Variants in SCN8A observed in about 807,000 individuals in gnomAD.
SCN8A encodes the protein sodium channel protein type 8 subunit alpha.
SCN8A carries 30 observed loss-of-function variants against 184.1 expected under a neutral mutation model. The observed-to-expected ratio is 0.16, with a 90% CI of 0.12 to 0.22. The LOEUF is 0.22. Ranked by LOEUF, SCN8A falls within the 10% of genes least tolerant of loss-of-function variation. The probability of loss-of-function intolerance (pLI) is 1.00; values close to 1 mark genes in which losing one functional copy is unlikely to be tolerated. For synonymous variants in SCN8A, 852 were observed against 907.0 expected, an observed-to-expected ratio of 0.94 and a Z score of 1.09; for missense variants, 1,057 against 2,498.9, an observed-to-expected ratio of 0.42 and a Z score of 12.30.
chr12:51,797,571 A>G (rs575786999), intron 26 of SCN8A, among the ~76,000 whole-genome samples: 15 of 152,280 alleles, frequency 9.9e-5, no homozygotes, highest in African/African-American at 3.6e-4. Context: ...CCAAATCTTC[A>G]TTCCTAAAGG....
At chr12:51,762,274 G>A (rs1050165383) in intron 14 of SCN8A, among the ~76,000 whole-genome samples, 1 of 152,074 alleles carries the variant, frequency 6.6e-6, no homozygotes, top group African/African-American at 2.4e-5. Flanking sequence ...AGTGGTTCTG[G>A]CAACAAAGAT....
intron 7 of SCN8A, among the ~76,000 whole-genome samples, chr12:51,700,463 A>G (rs1592388651): frequency 6.6e-6 from 1 of 152,224 alleles, no homozygotes; most frequent in Non-Finnish European, 1.5e-5. Context: ...TACTACTAAG[A>G]CTATTGCAGT....
intron 11 of SCN8A, among the ~76,000 whole-genome samples, chr12:51,711,711 TTC>T (rs1305126055): frequency 6.3e-5 from 4 of 63,208 alleles, no homozygotes; most frequent in Non-Finnish European, 1.7e-4. Flanking sequence ...AGCTTCTGAG[TTC>T]TTTTTTTTTT....
intron 14 of SCN8A, among the ~76,000 whole-genome samples, chr12:51,753,239 T>C (rs975582542): frequency 3.3e-5 from 5 of 152,094 alleles, no homozygotes; most frequent in African/African-American, 1.2e-4. Context: ...AGAAAGCTCT[T>C]AGGTGGCAAG....
At chr12:51,781,813 G>T (rs551711359) in intron 21 of SCN8A, among the ~76,000 whole-genome samples, 2 of 152,264 alleles carry the variant, frequency 1.3e-5, no homozygotes, top group African/African-American at 2.4e-5. Flanking sequence ...ATACATGCAG[G>T]AGAGCAAACC....
chr12:51,628,401 A>G (rs752012260), intron 1 of SCN8A, among the ~76,000 whole-genome samples: 2 of 152,226 alleles, frequency 1.3e-5, no homozygotes, highest in African/African-American at 2.4e-5. Context: ...GAGGCTACTG[A>G]TGTCACTAAT....
chr12:51,770,068 G>A (rs1942901573), intron 18 of SCN8A, 83 bp downstream of exon 18: 1 of 935,650 alleles, frequency 1.1e-6, no homozygotes, highest in East Asian at 2.6e-5. Context: ...TGGTGGGTGA[G>A]GGGCAGCTCA....
chr12:51,593,799 C>T (rs1434745557), intron 1 of SCN8A, among the ~76,000 whole-genome samples: 3 of 151,622 alleles, frequency 2.0e-5, no homozygotes, highest in African/African-American at 7.3e-5. Context: ...TCCCACATAA[C>T]TCTTCATTTT....
intron 20 of SCN8A, among the ~76,000 whole-genome samples, chr12:51,777,369 C>T (rs1937736718): frequency 6.6e-6 from 1 of 152,162 alleles, no homozygotes; most frequent in Non-Finnish European, 1.5e-5. Context: ...AAGCAGCCTT[C>T]TCACCTCAGC....
intron 11 of SCN8A, among the ~76,000 whole-genome samples, chr12:51,711,942 T>A (rs568984379): frequency 6.6e-6 from 1 of 152,316 alleles, no homozygotes; most frequent in East Asian, 1.9e-4. Flanking sequence ...TCTTTACAGT[T>A]AACTTTAGCA....
chr12:51,650,748 A>G (rs1320281085), intron 1 of SCN8A, among the ~76,000 whole-genome samples: 1 of 152,160 alleles, frequency 6.6e-6, no homozygotes, highest in Non-Finnish European at 1.5e-5. Flanking sequence ...CACATTGGGC[A>G]CCACTTGCCG....
At chr12:51,788,843 A>T (rs1266192646) in intron 23 of SCN8A, 95 bp downstream of exon 23, 1 of 937,636 alleles carries the variant, frequency 1.1e-6, no homozygotes, top group Non-Finnish European at 1.6e-6. Context: ...GAAGGGATGA[A>T]GGAATGGAGG....
Position 51,807,522 on chromosome 12 carries a change from G to A in SCN8A, c.*93G>A. 1 of 1,300,324 alleles carries A rather than the reference G, an allele frequency of 7.7e-7. No individual in the cohort carries two copies. Among genetic ancestry groups the A allele is most frequent in the Non-Finnish European group, 1.1e-6 (1 of 923,750 alleles). The allele number at this position is 1,300,324 out of a possible 1,614,324, so 80.5% of individuals were successfully genotyped here. A position where few individuals can be genotyped will look rare whatever the true frequency, so the allele number is the denominator to read the frequency against. ...TGAATATTATCAATGCAGAACAGCT[G>A]TGGAGACTCTAACCTGAAGATCTAT... On this transcript the variant is annotated 3_prime_UTR_variant, in exon 27 of 27. Transcript: ENST00000627620. This position sits in a 1 kb window ranked among gnomAD's most constrained non-coding sequence, Gnocchi z 4.5.
At position 51,753,648 on chromosome 12, in the gene SCN8A, T is replaced by C. The variant is rs145978723; in HGVS notation, c.2370+2055T>C. Among the ~76,000 whole-genome samples, 212 of 152,316 alleles carry C rather than the reference T, an allele frequency of 1.4e-3. 1 individual carries two copies. The highest frequency in any genetic ancestry group is 2.4e-3 in the Admixed American group (36 of 15,298). On this transcript the variant is annotated intron_variant, in intron 14 of 26. Transcript: ENST00000627620. ...TTTGGGTTTTCATTCCTATTAGATA[T>C]CGTATAACCTTAAATAAGTCATTGA...
intron 16 of SCN8A, among the ~76,000 whole-genome samples, chr12:51,766,806 T>C (rs988095351): frequency 1.3e-5 from 2 of 152,126 alleles, no homozygotes; most frequent in African/African-American, 4.8e-5. Flanking sequence ...AAATCAGAAC[T>C]ACTGAATCAG....
chr12:51,595,407 C>T (rs1939324748), intron 1 of SCN8A, among the ~76,000 whole-genome samples: 1 of 152,116 alleles, frequency 6.6e-6, no homozygotes, highest in Admixed American at 6.5e-5. Flanking sequence ...GAGACACAGC[C>T]AGGACACATA....
At chr12:51,686,735 C>T (rs926059908) in intron 4 of SCN8A, among the ~76,000 whole-genome samples, 2 of 152,078 alleles carry the variant, frequency 1.3e-5, no homozygotes, top group Non-Finnish European at 2.9e-5. Context: ...CCTGGTGATA[C>T]TGTTTTCTCC....
At chr12:51,699,345 A>G (rs537197342) in intron 6 of SCN8A, among the ~76,000 whole-genome samples, 1 of 152,368 alleles carries the variant, frequency 6.6e-6, no homozygotes, top group African/African-American at 2.4e-5. Context: ...TGTTGGCAGA[A>G]GAATCTTTCT....
chr12:51,742,473 A>C (rs1393890789), intron 12 of SCN8A, among the ~76,000 whole-genome samples: 1 of 152,096 alleles, frequency 6.6e-6, no homozygotes, highest in Non-Finnish European at 1.5e-5. Context: ...ATAGTGTTCT[A>C]GGGTAAAAGT....
Sources: gnomAD v4.1 joint callset for allele counts (sites outside exome capture counted in the v4.1 genomes callset) on GRCh38, gnomAD v4.1.1 for gene constraint, Gnocchi (gnomAD v3.1) non-coding constraint, MANE v1.5 for transcripts, NCBI Gene and HGNC (gene_info 2026-07-23, HGNC 2026-07-21) for gene names.